OR14I1: variants seen among roughly 807,000 people sequenced by gnomAD.
The protein encoded by OR14I1 is olfactory receptor 14I1.
For synonymous variants in OR14I1, 118 were observed against 71.1 expected (o/e 1.66, Z -3.32); for missense variants, 279 against 181.8 (o/e 1.53, Z -3.07).
At chr1:248,690,625 C>A in the OR14I1 span, among the ~76,000 whole-genome samples, 135 of 10,000 alleles carry the variant, frequency 0.013, no homozygotes, top group African/African-American at 0.024. Context: ...AAAAAAAAAG[C>A]CCAGGAACAG....
In OR14I1 at chr1:248,681,581, G is replaced by C. The variant is rs759549085; in HGVS notation, c.724C>G (p.Gln242Glu). The C allele has an allele frequency of 2.2e-5, 17 of 780,942 alleles. No homozygotes were observed. In the South Asian group the frequency reaches 2.3e-4, roughly 10 times the overall value. 48.4% of individuals were successfully genotyped at this position (780,942 alleles called of 1,614,324 possible). Residue 242 changes from glutamine (Q) to glutamate (E), a missense_variant, in exon 1 of 1, where the codon CAG becomes GAG. Transcript: ENST00000342623. ...AGAAAGAGCATGATGACAATGAGCTGGGGGGAGCAGGTGGAGAAGGCTTTT... is the reference window on the plus strand; with the variant it reads ...AGAAAGAGCATGATGACAATGAGCTCGGGGGAGCAGGTGGAGAAGGCTTTT...
At chr1:248,683,986 C>T (rs774233318), upstream of OR14I1, among the ~76,000 whole-genome samples, 2 of 152,076 alleles carry the variant, frequency 1.3e-5, no homozygotes, top group South Asian at 2.1e-4. Flanking sequence ...GAGCCAAGAT[C>T]GTGCCACTGC....
downstream of OR14I1, among the ~76,000 whole-genome samples, chr1:248,678,532 A>C (rs763202255): frequency 1.4e-4 from 22 of 152,356 alleles, no homozygotes; most frequent in South Asian, 8.3e-4. Context: ...CCACAGGACA[A>C]ACAGGAAGTC....
downstream of OR14I1, among the ~76,000 whole-genome samples, chr1:248,680,615 G>A (rs1165634094): frequency 6.6e-6 from 1 of 152,186 alleles, no homozygotes; most frequent in Non-Finnish European, 1.5e-5. Flanking sequence ...ATAATCACCA[G>A]CAGTGACCAA....
chr1:248,679,471 G>A (rs1661524527), downstream of OR14I1, among the ~76,000 whole-genome samples: 1 of 151,760 alleles, frequency 6.6e-6, no homozygotes, highest in Admixed American at 6.6e-5. Context: ...TATACTATGT[G>A]CTTTATTATA....
the OR14I1 span, among the ~76,000 whole-genome samples, chr1:248,691,210 AAGG>A: frequency 6.6e-6 from 1 of 152,210 alleles, no homozygotes; most frequent in Non-Finnish European, 1.5e-5. Context: ...TCATAGGTAG[AAGG>A]GACCCTTCAT....
chr1:248,684,382 T>G (rs1661608775), upstream of OR14I1, among the ~76,000 whole-genome samples: 1 of 152,248 alleles, frequency 6.6e-6, no homozygotes, highest in South Asian at 2.1e-4. Flanking sequence ...TAGTTTGCTG[T>G]GTAAGCAGCC....
exon 1 of OR14I1, chr1:248,681,479 A>G: frequency 2.6e-6 from 2 of 781,072 alleles, no homozygotes; most frequent in Non-Finnish European, 4.8e-6. Flanking sequence ...AAAACTGTGT[A>G]TGTCAGAGCA....
At chr1:248,692,854 A>T in the OR14I1 span, 1 of 152,216 alleles carries the variant, frequency 6.6e-6, no homozygotes. Context: ...GGCTGACACA[A>T]TGCCTGGCAT....
At chr1:248,680,703 A>T (rs146233490), downstream of OR14I1, among the ~76,000 whole-genome samples, 2 of 152,182 alleles carry the variant, frequency 1.3e-5, no homozygotes, top group Admixed American at 1.3e-4. Flanking sequence ...GAGGCACTAA[A>T]ACCCAGGAAA....
downstream of OR14I1, among the ~76,000 whole-genome samples, chr1:248,680,389 C>T (rs150617085): frequency 3.3e-5 from 5 of 152,194 alleles, no homozygotes; most frequent in Admixed American, 6.5e-5. Flanking sequence ...CACACAACTG[C>T]GATGGGCTAA....
chr1:248,682,136 T>C, exon 1 of OR14I1: 5 of 781,018 alleles, frequency 6.4e-6, no homozygotes, highest in East Asian at 2.4e-5. Flanking sequence ...AAGAAGTACA[T>C]GGGTGTGTGA....
upstream of OR14I1, among the ~76,000 whole-genome samples, chr1:248,686,092 T>C (rs1256359084): frequency 6.6e-6 from 1 of 152,116 alleles, no homozygotes; most frequent in African/African-American, 2.4e-5. Context: ...GTTGAAAATT[T>C]TGAATATATT....
At chr1:248,681,248 G>GTTT, downstream of OR14I1, 1 of 510,210 alleles carries the variant, frequency 2.0e-6, no homozygotes, top group Non-Finnish European at 3.5e-6. Flanking sequence ...CATTCAACAG[G>GTTT]TTTTTTTTTT....
upstream of OR14I1, among the ~76,000 whole-genome samples, chr1:248,683,635 T>C (rs1661598116): frequency 6.6e-6 from 1 of 152,270 alleles, no homozygotes; most frequent in South Asian, 2.1e-4. Context: ...AGGTAGAACC[T>C]ATGTTTAATG....
chr1:248,689,664 A>C, the OR14I1 span, among the ~76,000 whole-genome samples: 1 of 152,182 alleles, frequency 6.6e-6, no homozygotes, highest in Non-Finnish European at 1.5e-5. Context: ...GAAAAACTTT[A>C]CCAATGAGAC....
the OR14I1 span, among the ~76,000 whole-genome samples, chr1:248,690,267 C>CA: frequency 7.3e-5 from 11 of 151,550 alleles, no homozygotes; most frequent in Non-Finnish European, 1.0e-4. Context: ...AAGAAGCCTT[C>CA]AAAAAAACAA....
exon 1 of OR14I1, chr1:248,681,391 T>C (rs751300946): frequency 4.0e-6 from 3 of 758,634 alleles, no homozygotes; most frequent in Non-Finnish European, 7.3e-6. Context: ...AAAATATATC[T>C]TCACAAAGAG....
chr1:248,691,797 G>T, the OR14I1 span: 6 of 152,482 alleles, frequency 3.9e-5, no homozygotes, highest in African/African-American at 1.2e-4. Context: ...CCGGCGTCAG[G>T]TACGGGTTCA....
Sources: gnomAD v4.1 joint callset for allele counts (sites outside exome capture counted in the v4.1 genomes callset) on GRCh38, gnomAD v4.1.1 for gene constraint, MANE v1.5 for transcripts, NCBI Gene and HGNC (gene_info 2026-07-23, HGNC 2026-07-21) for gene names.